Variants in SRGAP3 observed in about 807,000 individuals in gnomAD.
SRGAP3 encodes the protein SLIT-ROBO Rho GTPase-activating protein 3.
In SRGAP3, 39 loss-of-function variants were observed where a neutral mutation model predicts 121.1. The observed-to-expected ratio is 0.32, with a 90% confidence interval of 0.25 to 0.42. The LOEUF (loss-of-function observed/expected upper bound fraction) is 0.42. SRGAP3 is among the 10% of genes least tolerant of loss of function. The pLI, the probability that SRGAP3 is intolerant of heterozygous loss-of-function variation, is 1.00. For missense variants in SRGAP3, 1,213 were observed against 1,470.6 expected (o/e 0.82, Z 2.86); for synonymous variants, 601 against 570.0 (o/e 1.05, Z -0.77).
intron 14 of SRGAP3, among the ~76,000 whole-genome samples, chr3:9,023,117 G>C (rs758345542): frequency 2.0e-5 from 3 of 152,326 alleles, no homozygotes; most frequent in Admixed American, 6.5e-5. Flanking sequence ...GGAAATGCCA[G>C]GCAAAGTGGT....
intron 12 of SRGAP3, among the ~76,000 whole-genome samples, chr3:9,031,254 A>G (rs1458769804): frequency 6.6e-6 from 1 of 152,200 alleles, no homozygotes; most frequent in African/African-American, 2.4e-5. Context: ...CTTCTTGGCC[A>G]TGGACCATGG....
intron 2 of SRGAP3, 52 bp downstream of exon 2, chr3:9,124,673 G>C: frequency 6.2e-7 from 1 of 1,609,280 alleles, no homozygotes; most frequent in Non-Finnish European, 8.5e-7. Flanking sequence ...CCAACTGTCC[G>C]CCCACCCCAG....
At chr3:9,076,307 T>G (rs1360017080) in intron 4 of SRGAP3, among the ~76,000 whole-genome samples, 2 of 152,160 alleles carry the variant, frequency 1.3e-5, no homozygotes, top group Non-Finnish European at 2.9e-5. Context: ...ATAAGTCACT[T>G]CTCTGTGCCT....
intron 1 of SRGAP3, among the ~76,000 whole-genome samples, chr3:9,246,826 C>A (rs1326133823): frequency 6.6e-6 from 1 of 152,138 alleles, no homozygotes; most frequent in Admixed American, 6.6e-5. Context: ...AGCCAGAATG[C>A]AAGGAAATTT....
At chr3:8,997,088 G>C (rs1056174748) in intron 18 of SRGAP3, among the ~76,000 whole-genome samples, 1 of 152,196 alleles carries the variant, frequency 6.6e-6, no homozygotes, top group Non-Finnish European at 1.5e-5. Flanking sequence ...CGTTACATAA[G>C]TGTGTGTGGT....
chr3:9,074,556 G>A (rs1022487183), intron 4 of SRGAP3, among the ~76,000 whole-genome samples: 2 of 152,126 alleles, frequency 1.3e-5, no homozygotes, highest in East Asian at 1.9e-4. Flanking sequence ...ATGACAGAGG[G>A]CCCAAAGATA....
chr3:9,254,987 AAG>A (rs906860957), intron 3 of SRGAP3, among the ~76,000 whole-genome samples: 3 of 146,894 alleles, frequency 2.0e-5, no homozygotes, highest in African/African-American at 7.5e-5. Context: ...GAAAAAGAAA[AAG>A]AAAGAAAGGG....
intron 4 of SRGAP3, among the ~76,000 whole-genome samples, chr3:9,069,527 T>C (rs1405719043): frequency 6.6e-6 from 1 of 152,150 alleles, no homozygotes; most frequent in East Asian, 1.9e-4. Context: ...AGGGAAGGAC[T>C]TCGTAGGGAT....
At chr3:9,172,678 T>C (rs1951027098) in intron 1 of SRGAP3, among the ~76,000 whole-genome samples, 1 of 152,174 alleles carries the variant, frequency 6.6e-6, no homozygotes, top group African/African-American at 2.4e-5. Flanking sequence ...AACCCCTTTC[T>C]GGCCCCAGGA....
rs146278180 is a variant in SRGAP3, at chr3:9,142,130, C to T, written c.68-17213G>A. 2.3e-3 allele frequency among the ~76,000 whole-genome samples: 345 copies of T among 152,274 alleles called. 2 individuals are homozygous for T. The highest frequency in any genetic ancestry group is 8.0e-3 in the African/African-American group (332 of 41,536). ...CATTAACCTCATCTGTTTCCTCATT[C>T]GTAAACTGGGATTAATGGAACCTAC... On this transcript the variant is annotated intron_variant, in intron 1 of 21. Transcript: ENST00000383836.
intron 1 of SRGAP3, among the ~76,000 whole-genome samples, chr3:9,227,349 G>A (rs1268980872): frequency 6.6e-6 from 1 of 152,168 alleles, no homozygotes; most frequent in Non-Finnish European, 1.5e-5. Flanking sequence ...GGATTGAATC[G>A]ACCCCTCAAA....
At chr3:9,228,560 A>C (rs1217773438) in intron 1 of SRGAP3, among the ~76,000 whole-genome samples, 3 of 152,210 alleles carry the variant, frequency 2.0e-5, no homozygotes, top group Non-Finnish European at 4.4e-5. Flanking sequence ...TGGGGGTTAC[A>C]CTAGCCAGCT....
chr3:9,013,267 CA>C lies in SRGAP3; in HGVS notation c.2147+40del, dbSNP rs762071224. On this transcript the variant is annotated intron_variant, in intron 17 of 21. Transcript: ENST00000383836. ...TATTGTTCCTATTCAATGGCAATAA[CA>C]ATGACGATGATAATAATATTAAGAG... The C allele has an allele frequency of 3.8e-6, 6 of 1,585,856 alleles. No homozygotes were observed. In the Admixed American group the frequency reaches 5.1e-5, roughly 13 times the overall value.
At chr3:9,226,690 G>T (rs562347419) in intron 1 of SRGAP3, among the ~76,000 whole-genome samples, 2 of 152,248 alleles carry the variant, frequency 1.3e-5, no homozygotes, top group East Asian at 3.9e-4. Context: ...TCAGACATAA[G>T]GGCAAGACTT....
intron 1 of SRGAP3, among the ~76,000 whole-genome samples, chr3:9,161,514 G>A (rs537360292): frequency 1.3e-5 from 2 of 152,338 alleles, no homozygotes; most frequent in Admixed American, 6.5e-5. Flanking sequence ...GGCTGGAAGA[G>A]GCAGAGATAG....
chr3:9,135,530 T>C (rs1331984743), intron 1 of SRGAP3, among the ~76,000 whole-genome samples: 1 of 152,208 alleles, frequency 6.6e-6, no homozygotes, highest in Non-Finnish European at 1.5e-5. Context: ...CAGCAGAGCC[T>C]GGACTCTGGA....
intron 1 of SRGAP3, among the ~76,000 whole-genome samples, chr3:9,189,534 C>T (rs768785146): frequency 5.6e-4 from 85 of 152,146 alleles, no homozygotes; most frequent in Non-Finnish European, 1.0e-3. Flanking sequence ...GGCAGGGACA[C>T]ACATCCAAAC....
intron 3 of SRGAP3, among the ~76,000 whole-genome samples, chr3:9,089,740 C>G (rs1390201442): frequency 6.6e-6 from 1 of 152,184 alleles, no homozygotes; most frequent in Non-Finnish European, 1.5e-5. Flanking sequence ...GTTGGTGGAA[C>G]AGGCTCCTGT....
chr3:9,016,321 C>T (rs114451413), intron 14 of SRGAP3, among the ~76,000 whole-genome samples: 196 of 152,160 alleles, frequency 1.3e-3, no homozygotes, highest in African/African-American at 4.5e-3. Flanking sequence ...AAATATGCCC[C>T]GATATTTTTG....
Sources: gnomAD v4.1 joint callset for allele counts (sites outside exome capture counted in the v4.1 genomes callset) on GRCh38, gnomAD v4.1.1 for gene constraint, MANE v1.5 for transcripts, NCBI Gene and HGNC (gene_info 2026-07-23, HGNC 2026-07-21) for gene names.